FYB1: variants seen among roughly 807,000 people sequenced by gnomAD.
The protein encoded by FYB1 is FYN-binding protein 1.
A neutral mutation model predicts 94.1 loss-of-function variants in FYB1; 41 were observed. The observed-to-expected ratio is 0.44, with a 90% CI of 0.34 to 0.57. FYB1 has a LOEUF of 0.57. Ranked by LOEUF, FYB1 falls within the 20% of genes least tolerant of loss-of-function variation. FYB1 has a pLI of 0.02. For synonymous variants in FYB1, 367 were observed against 353.2 expected, an observed-to-expected ratio of 1.04 and a Z score of -0.44; for missense variants, 1,050 against 976.8, an observed-to-expected ratio of 1.07 and a Z score of -1.00.
chr5:39,165,200 G>A (rs554213679), intron 2 of FYB1, among the ~76,000 whole-genome samples: 1 of 152,120 alleles, frequency 6.6e-6, no homozygotes, highest in Admixed American at 6.5e-5. Flanking sequence ...TAAACAAAAA[G>A]AACAAAGCTG....
chr5:39,265,514 G>T (rs1389446445), intron 1 of FYB1, among the ~76,000 whole-genome samples: 1 of 148,010 alleles, frequency 6.8e-6, no homozygotes, highest in African/African-American at 2.5e-5. Flanking sequence ...AAAATTAGCT[G>T]GGGATGGTGG....
At chr5:39,128,990 T>A (rs1740933159) in intron 10 of FYB1, among the ~76,000 whole-genome samples, 1 of 151,954 alleles carries the variant, frequency 6.6e-6, no homozygotes. Context: ...TAAATTTGTA[T>A]GAAATAAAAA....
At chr5:39,196,299 C>A (rs902482959) in intron 2 of FYB1, among the ~76,000 whole-genome samples, 3 of 150,458 alleles carry the variant, frequency 2.0e-5, no homozygotes, top group Non-Finnish European at 4.4e-5. Flanking sequence ...ACCTCCACCT[C>A]CTGGGTTCAA....
intron 17 of FYB1, among the ~76,000 whole-genome samples, chr5:39,109,973 T>C (rs950660422): frequency 2.0e-5 from 3 of 152,164 alleles, no homozygotes; most frequent in African/African-American, 7.2e-5. Context: ...TAGCACCTAC[T>C]ATGAAGTCAC....
chr5:39,148,155 T>TTTTATATA (rs1742876290), intron 3 of FYB1, among the ~76,000 whole-genome samples: 3 of 37,658 alleles, frequency 8.0e-5, no homozygotes, highest in South Asian at 1.3e-3. Flanking sequence ...TATGTATTTT[T>TTTTATATA]TATATATATA....
chr5:39,133,572 G>C (rs1188468563), intron 9 of FYB1, among the ~76,000 whole-genome samples: 1 of 152,060 alleles, frequency 6.6e-6, no homozygotes, highest in African/African-American at 2.4e-5. Context: ...GAGGTACAAG[G>C]GAGGGATGGC....
At chr5:39,172,597 C>T (rs1217232849) in intron 2 of FYB1, among the ~76,000 whole-genome samples, 1 of 152,190 alleles carries the variant, frequency 6.6e-6, no homozygotes, top group African/African-American at 2.4e-5. Flanking sequence ...ACACCTTCCT[C>T]CCTCCCTCCT....
intron 1 of FYB1, among the ~76,000 whole-genome samples, chr5:39,239,176 G>A (rs1751098391): frequency 6.6e-6 from 1 of 151,862 alleles, no homozygotes; most frequent in African/African-American, 2.4e-5. Context: ...ATAATAAGCG[G>A]CATCTATGGC....
At chr5:39,231,916 A>C (rs1250438884) in intron 1 of FYB1, among the ~76,000 whole-genome samples, 1 of 152,136 alleles carries the variant, frequency 6.6e-6, no homozygotes, top group African/African-American at 2.4e-5. Flanking sequence ...AGACTGACTC[A>C]CTGAAGTAAT....
In FYB1 at chr5:39,107,224, T is replaced by C. The variant is rs1738605469; in HGVS notation, c.*219A>G. 2.9e-6 allele frequency: 1 copy of C among 342,702 alleles called. No individual in the cohort carries two copies. Among genetic ancestry groups the C allele is most frequent in the African/African-American group, 2.1e-5 (1 of 46,722 alleles). The allele number at this position is 342,702 out of a possible 1,614,324, so 21.2% of individuals were successfully genotyped here. ...CGGAAATGGAATATTTAATAATTCT[T>C]ACATCTCACTAATGTAGTCTTCTGA... On this transcript the variant is annotated 3_prime_UTR_variant, in exon 19 of 19. Coordinates refer to ENST00000512982, the MANE Select transcript of FYB1 (RefSeq NM_001465.6).
Position 39,169,582 on chromosome 5 carries a change from C to T in FYB1, c.1136-15978G>A, listed in dbSNP as rs367704912. ...AAGGAGGGCCAGATGCAGTGGCTCA[C>T]GCCTGTAATCCCAGCACTTTGGGAG... On this transcript the variant is annotated intron_variant, in intron 2 of 18. Coordinates refer to ENST00000512982, the MANE Select transcript of FYB1 (RefSeq NM_001465.6). The T allele has an allele frequency of 2.5e-4, 121 of 482,530 alleles. 2 individuals are homozygous for T. The highest frequency in any genetic ancestry group is 1.9e-3 in the African/African-American group (99 of 50,790). The allele number at this position is 482,530 out of a possible 1,614,324, so 29.9% of individuals were successfully genotyped here.
At chr5:39,148,876 T>C (rs1743005925) in intron 3 of FYB1, among the ~76,000 whole-genome samples, 2 of 152,200 alleles carry the variant, frequency 1.3e-5, no homozygotes, top group African/African-American at 4.8e-5. Flanking sequence ...TTAATAACCA[T>C]GTAATTTGTT....
intron 2 of FYB1, among the ~76,000 whole-genome samples, chr5:39,199,176 T>C (rs982514260): frequency 3.3e-5 from 5 of 152,002 alleles, no homozygotes; most frequent in African/African-American, 1.2e-4. Context: ...AAATAGAATT[T>C]CAGAATTTTA....
chr5:39,184,981 A>G (rs1444307341), intron 2 of FYB1, among the ~76,000 whole-genome samples: 1 of 152,198 alleles, frequency 6.6e-6, no homozygotes, highest in Non-Finnish European at 1.5e-5. Context: ...TTCCCTAGAT[A>G]CAAAGTACTG....
intron 1 of FYB1, among the ~76,000 whole-genome samples, chr5:39,213,634 C>T (rs188466936): frequency 6.6e-6 from 1 of 152,124 alleles, no homozygotes; most frequent in Admixed American, 6.5e-5. Flanking sequence ...CAAACAATTC[C>T]GTTTGTTTGA....
chr5:39,196,210 T>C (rs867982176), intron 2 of FYB1, among the ~76,000 whole-genome samples: 2,389 of 114,906 alleles, frequency 0.021, 67 homozygotes, highest in African/African-American at 0.096. Context: ...AATTCTTTCT[T>C]TTTTTTTTTT....
chr5:39,123,534 C>T (rs76498084), intron 13 of FYB1, among the ~76,000 whole-genome samples: 26 of 152,130 alleles, frequency 1.7e-4, no homozygotes, highest in Non-Finnish European at 2.9e-4. Context: ...TATTATCAGG[C>T]ACTGATCAGC....
At chr5:39,146,253 G>T (rs1268431439) in intron 3 of FYB1, among the ~76,000 whole-genome samples, 1 of 151,972 alleles carries the variant, frequency 6.6e-6, no homozygotes, top group East Asian at 1.9e-4. Flanking sequence ...TCCTTCCTTT[G>T]TGAAGTTGTC....
At chr5:39,263,435 CAGA>C (rs1239289224) in intron 1 of FYB1, among the ~76,000 whole-genome samples, 1 of 151,654 alleles carries the variant, frequency 6.6e-6, no homozygotes, top group South Asian at 2.1e-4. Flanking sequence ...TCCTCTTTTG[CAGA>C]AGGAGAGGAT....
Sources: gnomAD v4.1 joint callset for allele counts (sites outside exome capture counted in the v4.1 genomes callset) on GRCh38, gnomAD v4.1.1 for gene constraint, MANE v1.5 for transcripts, NCBI Gene and HGNC (gene_info 2026-07-23, HGNC 2026-07-21) for gene names.